The following ANKUB1 variants were observed in gnomAD, a reference collection of about 807,000 sequenced individuals.
ANKUB1 encodes the protein ankyrin repeat and ubiquitin domain containing 1.
ANKUB1 carries 42 observed loss-of-function variants against 49.3 expected under a neutral mutation model. The observed-to-expected ratio is 0.85, with a 90% CI of 0.67 to 1.10. The LOEUF is 1.10. Ranked by LOEUF, ANKUB1 falls within the 50% of genes least tolerant of loss-of-function variation. ANKUB1 has a pLI of 0.00. For missense variants in ANKUB1, 613 were observed against 642.0 expected, an observed-to-expected ratio of 0.95 and a Z score of 0.49; for synonymous variants, 222 against 231.0, an observed-to-expected ratio of 0.96 and a Z score of 0.35.
At position 149,792,490 on chromosome 3, in the gene ANKUB1, G is replaced by T; in HGVS notation, c.-124C>A. On this transcript the variant is annotated 5_prime_UTR_variant, in exon 1 of 6. Coordinates refer to ENST00000446160, the MANE Select transcript of ANKUB1 (RefSeq NM_001144960.3). ...AGCCAGAGGCAGCTGTCACTGTCTA[G>T]CCTCAAAGGTAAGTTGTAGAATGTG... is the stretch of plus-strand genomic sequence containing the variant. 2 of 644,104 alleles carry T rather than the reference G, an allele frequency of 3.1e-6. No individual in the cohort carries two copies. Among genetic ancestry groups the T allele is most frequent in the Non-Finnish European group, 4.9e-6 (2 of 405,496 alleles). The allele number at this position is 644,104 out of a possible 1,614,324, so 39.9% of individuals were successfully genotyped here. A position where few individuals can be genotyped will look rare whatever the true frequency, so the allele number is the denominator to read the frequency against.
chr3:149,761,717 T>A, intron 5 of ANKUB1, 104 bp from the exon 6 acceptor site: 1 of 1,321,484 alleles, frequency 7.6e-7, no homozygotes, highest in Non-Finnish European at 1.0e-6. Context: ...CTAGGGCTAG[T>A]TTGTCTTGTC....
chr3:149,763,799 G>A (rs1716873960), intron 5 of ANKUB1: 1 of 419,442 alleles, frequency 2.4e-6, no homozygotes, highest in Non-Finnish European at 4.8e-6. Flanking sequence ...GTCTACACCA[G>A]CCACATTTAC....
chr3:149,784,551 C>T (rs558159795), intron 2 of ANKUB1, among the ~76,000 whole-genome samples: 1 of 152,326 alleles, frequency 6.6e-6, no homozygotes, highest in Non-Finnish European at 1.5e-5. Context: ...TGGTGACCTT[C>T]CCAGATTAGT....
At chr3:149,783,988 A>C (rs1717977755) in intron 2 of ANKUB1, 1 of 152,248 alleles carries the variant, frequency 6.6e-6, no homozygotes, top group South Asian at 2.1e-4. Context: ...AAATGCATAA[A>C]TGTAAAACCA....
At chr3:149,783,240 G>C (rs554497701) in intron 2 of ANKUB1, 1 of 152,208 alleles carries the variant, frequency 6.6e-6, no homozygotes, top group East Asian at 1.9e-4. Flanking sequence ...CATAAGAGAA[G>C]GCATCTCTAC....
In ANKUB1 at chr3:149,770,624, C is replaced by G; in HGVS notation, c.502G>C (p.Gly168Arg). 6 of 1,550,430 alleles carry G rather than the reference C, an allele frequency of 3.9e-6. No homozygotes were observed. The highest frequency in any genetic ancestry group is 5.2e-6 in the Non-Finnish European group (6 of 1,146,478). Reference sequence around the variant, plus strand: ...TTAAGTTTTTGTCCAAGGAGACAACCCATCAGAAATTCCTTCCATCCATCC... The same window carrying G: ...TTAAGTTTTTGTCCAAGGAGACAACGCATCAGAAATTCCTTCCATCCATCC... The part of the protein sequence containing the change: ...VWDGWKEFLM[G>R]CLLGQKLKVQ... The change falls in exon 4 of 6, where the codon GGT (glycine) becomes CGT (arginine). Residue 168 changes from glycine (G) to arginine (R), a missense_variant. Transcript: ENST00000446160.
At chr3:149,762,433 G>A (rs16862229) in intron 5 of ANKUB1, among the ~76,000 whole-genome samples, 2,323 of 152,240 alleles carry the variant, frequency 0.015, 38 homozygotes, top group East Asian at 0.077. Flanking sequence ...AGCTAGAAAC[G>A]AAACTAAATT....
At chr3:149,784,500 C>T (rs953238622) in intron 2 of ANKUB1, among the ~76,000 whole-genome samples, 1 of 152,312 alleles carries the variant, frequency 6.6e-6, no homozygotes. Flanking sequence ...GGGCTGGCAG[C>T]ATGTCCAGTG....
intron 3 of ANKUB1, among the ~76,000 whole-genome samples, chr3:149,771,214 T>C (rs1000529793): frequency 2.6e-5 from 4 of 152,228 alleles, no homozygotes; most frequent in Non-Finnish European, 5.9e-5. Flanking sequence ...GTCTACCCTT[T>C]CTGTGATACC....
rs1717081266 is a variant in ANKUB1, at chr3:149,767,364, G to GAT, written c.1297_1298insAT (p.Thr433AsnfsTer10). ...TATGAGCTTTTCTTTTTTCCTAGCT[G>GAT]TGGCAGTAATTTTTTTCTGATTTTG... On this transcript the variant is annotated frameshift_variant, in exon 5 of 6. Transcript: ENST00000446160. LOFTEE classifies it high-confidence loss of function. 8.4e-6 allele frequency: 13 copies of GAT among 1,550,732 alleles called. No individual in the cohort carries two copies. The highest frequency in any genetic ancestry group is 1.1e-5 in the Non-Finnish European group (13 of 1,146,832).
intron 3 of ANKUB1, among the ~76,000 whole-genome samples, chr3:149,772,024 C>CTTTT (rs398062912): frequency 7.5e-6 from 1 of 133,202 alleles, no homozygotes; most frequent in African/African-American, 2.8e-5. Context: ...TCCATCCTTC[C>CTTTT]TTTTTTTTTT....
intron 4 of ANKUB1, among the ~76,000 whole-genome samples, chr3:149,768,324 T>C (rs1371857112): frequency 1.3e-5 from 2 of 152,234 alleles, no homozygotes; most frequent in African/African-American, 4.8e-5. Flanking sequence ...CTTGAAGTGG[T>C]CATCTTTCTT....
chr3:149,782,850 T>A (rs1717929256), intron 2 of ANKUB1, among the ~76,000 whole-genome samples: 1 of 152,122 alleles, frequency 6.6e-6, no homozygotes, highest in South Asian at 2.1e-4. Context: ...GATCTGACAA[T>A]CTTTAGATGA....
chr3:149,768,566 GAGT>G (rs1717175979), intron 4 of ANKUB1, among the ~76,000 whole-genome samples: 1 of 143,852 alleles, frequency 7.0e-6, no homozygotes, highest in African/African-American at 2.7e-5. Context: ...TCCCCAGACA[GAGT>G]CTTGCTCTGT....
intron 5 of ANKUB1, chr3:149,766,853 CA>C (rs1321876510): frequency 9.5e-7 from 1 of 1,049,434 alleles, no homozygotes; most frequent in African/African-American, 1.9e-5. Context: ...GCAGCAGCAG[CA>C]GCAGCAGCAG....
At chr3:149,766,817 A>AAGCAGCAGCAGC (rs11268295) in intron 5 of ANKUB1, 32,196 of 899,528 alleles carry the variant, frequency 0.036, 2,387 homozygotes, top group East Asian at 0.052. Flanking sequence ...GAAAAAAGAA[A>AAGCAGCAGCAGC]AGCAGCAGCA....
Position 149,792,408 on chromosome 3 carries a change from A to G in ANKUB1, c.-42T>C. On this transcript the variant is annotated 5_prime_UTR_variant, in exon 1 of 6. Coordinates refer to ENST00000446160, the MANE Select transcript of ANKUB1 (RefSeq NM_001144960.3). ...CAAACAAAAAATATCCAACTTTTTC[A>G]AAGATTCTCCTGGATGGCTAGAAAA... The G allele has an allele frequency of 7.0e-7, 1 of 1,430,690 alleles. No homozygotes were observed. The highest frequency in any genetic ancestry group is 9.3e-7 in the Non-Finnish European group (1 of 1,072,792). The allele number at this position is 1,430,690 out of a possible 1,614,324, so 88.6% of individuals were successfully genotyped here.
chr3:149,762,017 TTAAC>T (rs1271917476), intron 5 of ANKUB1, among the ~76,000 whole-genome samples: 1 of 152,220 alleles, frequency 6.6e-6, no homozygotes, highest in Non-Finnish European at 1.5e-5. Flanking sequence ...TTGATAGTCT[TTAAC>T]TAAAATGCAA....
intron 4 of ANKUB1, among the ~76,000 whole-genome samples, chr3:149,768,472 A>G (rs1003431062): frequency 5.9e-5 from 9 of 152,204 alleles, no homozygotes; most frequent in African/African-American, 1.9e-4. Flanking sequence ...CATGAACACT[A>G]GAGTTAAATT....
Sources: allele counts gnomAD v4.1 joint callset (sites outside exome capture counted in the v4.1 genomes callset), GRCh38; gene constraint gnomAD v4.1.1; transcripts MANE v1.5; gene names NCBI Gene and HGNC (gene_info 2026-07-23, HGNC 2026-07-21).